CYFIP2: variants seen among roughly 807,000 people sequenced by gnomAD.
CYFIP2 encodes cytoplasmic FMR1 interacting protein 2.
Under a neutral mutation model 158.7 loss-of-function variants are expected in CYFIP2, and 29 were observed. The ratio of observed to expected loss-of-function variants is 0.18; its 90% confidence interval spans 0.14 to 0.25. The LOEUF is 0.25. Among genes scored for constraint, CYFIP2 ranks in the 10% least tolerant of loss-of-function variants. The pLI is 1.00. For missense variants in CYFIP2, 852 were observed against 1,639.5 expected, an observed-to-expected ratio of 0.52 and a Z score of 8.29; for synonymous variants, 585 against 617.6, an observed-to-expected ratio of 0.95 and a Z score of 0.78.
intron 15 of CYFIP2, 116 bp downstream of exon 15, chr5:157,320,918 G>A: frequency 7.8e-7 from 1 of 1,275,386 alleles, no homozygotes; most frequent in Non-Finnish European, 1.0e-6. Context: ...AGGAGGGGCA[G>A]GGTTGAGTGG....
At chr5:157,383,724 AAC>A (rs1766360741) in intron 28 of CYFIP2, 1 of 189,976 alleles carries the variant, frequency 5.3e-6, no homozygotes, top group African/African-American at 2.3e-5. Context: ...TTGCTAAAGA[AAC>A]ACTTAACGGA....
intron 5 of CYFIP2, among the ~76,000 whole-genome samples, chr5:157,297,827 T>TG (rs1163005192): frequency 6.6e-6 from 1 of 152,112 alleles, no homozygotes; most frequent in African/African-American, 2.4e-5. Flanking sequence ...TGAGGTAGGT[T>TG]GAAAAAAAAT....
intron 5 of CYFIP2, among the ~76,000 whole-genome samples, chr5:157,297,382 CTG>C (rs1308030391): frequency 6.6e-6 from 1 of 152,216 alleles, no homozygotes; most frequent in African/African-American, 2.4e-5. Flanking sequence ...CACTCTCTAA[CTG>C]TGTGTTTGTG....
In CYFIP2 at chr5:157,285,370, G is replaced by A. The variant is rs371578292; in HGVS notation, c.9G>A (p.Thr3=). 19 of 1,567,100 alleles carry A rather than the reference G, an allele frequency of 1.2e-5. No homozygotes were observed. The highest frequency in any genetic ancestry group is 4.7e-5 in the South Asian group (4 of 84,832). The change falls in exon 2 of 31, where the codon ACG becomes ACA. Residue 3 remains threonine, a synonymous_variant. Transcript: ENST00000620254. Reference sequence around the variant, plus strand: ...ATACAGAAACTGCAGCCATGACCACGCACGTCACCCTGGAAGATGCCCTGT... The same window carrying A: ...ATACAGAAACTGCAGCCATGACCACACACGTCACCCTGGAAGATGCCCTGT... The part of the protein sequence containing the change: MT[T]HVTLEDALSN...
chr5:157,370,446 C>A (rs1020967902), intron 26 of CYFIP2, among the ~76,000 whole-genome samples: 2 of 152,216 alleles, frequency 1.3e-5, no homozygotes, highest in African/African-American at 4.8e-5. Flanking sequence ...ATAATACATT[C>A]AATCAATCAA....
chr5:157,388,426 CAT>C (rs1396728681), intron 28 of CYFIP2, among the ~76,000 whole-genome samples: 2 of 152,166 alleles, frequency 1.3e-5, no homozygotes, highest in African/African-American at 4.8e-5. Context: ...TTAAAAGTAA[CAT>C]ATGCTCATTG....
chr5:157,275,581 C>T (rs1190090300), intron 1 of CYFIP2, among the ~76,000 whole-genome samples: 1 of 152,184 alleles, frequency 6.6e-6, no homozygotes, highest in African/African-American at 2.4e-5. Context: ...TGTGAGTCTT[C>T]CATTTTTGTT....
In CYFIP2 at chr5:157,361,393, C is replaced by T; in HGVS notation, c.2909-75C>T. On this transcript the variant is annotated intron_variant, in intron 25 of 30. Coordinates refer to ENST00000620254, the MANE Select transcript of CYFIP2 (RefSeq NM_001037333.3). The surrounding 1 kb of genome is among the most constrained non-coding windows in gnomAD (Gnocchi z 4.4). ...ATCCCAGAGTCAGGTCTGGGGCTGC[C>T]ACTCAGTCATTGTTTCCCATAGACC... 1 of 1,598,792 alleles carries T rather than the reference C, an allele frequency of 6.3e-7. No homozygotes were observed. The highest frequency in any genetic ancestry group is 8.5e-7 in the Non-Finnish European group (1 of 1,169,986).
At chr5:157,330,145 T>C (rs2113168540) in intron 19 of CYFIP2, among the ~76,000 whole-genome samples, 1 of 152,272 alleles carries the variant, frequency 6.6e-6, no homozygotes, top group South Asian at 2.1e-4. Flanking sequence ...AATGATCCCA[T>C]TTTCTTATTT....
Position 157,341,124 on chromosome 5 carries a change from C to T in CYFIP2, c.2640C>T (p.Ala880=), listed in dbSNP as rs7705781. The part of the protein sequence containing the change: ...FTQEPQRDKP[A]NVQPYYLYGS... ...AAGAACCACAACGAGACAAACCTGC[C>T]AACGTCCAGCCTTATTACCTCTATG... Residue 880 remains alanine, a synonymous_variant, in exon 23 of 31, where the codon GCC becomes GCT. Transcript: ENST00000620254. 1.1e-3 allele frequency: 1,847 copies of T among 1,613,990 alleles called. 21 individuals are homozygous for T. The African/African-American group carries it at 0.02, about 18-fold the overall frequency.
chr5:157,369,756 C>T (rs925329995), intron 26 of CYFIP2, among the ~76,000 whole-genome samples: 5 of 152,104 alleles, frequency 3.3e-5, no homozygotes, highest in South Asian at 2.1e-4. Context: ...ACCAGGGAGG[C>T]AGTGCAGGTT....
At chr5:157,313,793 G>A (rs1374449405) in intron 11 of CYFIP2, among the ~76,000 whole-genome samples, 3 of 152,164 alleles carry the variant, frequency 2.0e-5, no homozygotes, top group African/African-American at 7.2e-5. Flanking sequence ...TTATATAGAT[G>A]TTTATCCACT....
chr5:157,300,705 C>T lies in CYFIP2; in HGVS notation c.388-10C>T, dbSNP rs574265762. ...ACAGTGGACCTTACTCACTGCCCCT[C>T]TGCCCCCAGCGCAAGGCCATCGAGC... is the stretch of plus-strand genomic sequence containing the variant. On this transcript the variant is annotated splice_polypyrimidine_tract_variant and intron_variant, in intron 5 of 30. Coordinates refer to ENST00000620254, the MANE Select transcript of CYFIP2 (RefSeq NM_001037333.3). 5.7e-5 allele frequency: 89 copies of T among 1,571,660 alleles called. 1 individual carries two copies. In the South Asian group the frequency reaches 9.7e-4, roughly 17 times the overall value.
In CYFIP2 at chr5:157,311,396, A is replaced by G; in HGVS notation, c.993-268A>G. 1 of 489,474 alleles carries G rather than the reference A, an allele frequency of 2.0e-6. No individual in the cohort carries two copies. The highest frequency in any genetic ancestry group is 2.1e-5 in the South Asian group (1 of 46,710). 30.3% of individuals were successfully genotyped at this position (489,474 alleles called of 1,614,324 possible). On this transcript the variant is annotated intron_variant, in intron 10 of 30. Transcript: ENST00000620254. The surrounding 1 kb of genome is among the most constrained non-coding windows in gnomAD (Gnocchi z 4.7). ...TTCCCGCCCCTCTCATATTACTGGT[A>G]AGTATTATGGACCAGGTATCTGGAA...
intron 24 of CYFIP2, 24 bp downstream of exon 24, chr5:157,359,172 T>C: frequency 1.2e-6 from 2 of 1,613,674 alleles, no homozygotes; most frequent in Non-Finnish European, 1.7e-6. Context: ...TCAGTGTGGC[T>C]TGAGATATGC....
At chr5:157,280,391 A>G (rs1425702430) in intron 1 of CYFIP2, among the ~76,000 whole-genome samples, 2 of 114,318 alleles carry the variant, frequency 1.7e-5, no homozygotes, top group African/African-American at 3.7e-5. Context: ...TATTTTTAGT[A>G]GAAATGGGAT....
At chr5:157,316,707 C>A (rs1760175416) in intron 13 of CYFIP2, among the ~76,000 whole-genome samples, 1 of 152,192 alleles carries the variant, frequency 6.6e-6, no homozygotes, top group Non-Finnish European at 1.5e-5. Flanking sequence ...GATTCCTTAT[C>A]TGTAAAATGG....
At chr5:157,343,957 T>C (rs534138654) in intron 23 of CYFIP2, among the ~76,000 whole-genome samples, 3 of 152,296 alleles carry the variant, frequency 2.0e-5, no homozygotes, top group African/African-American at 7.2e-5. Context: ...AGGCAATTGA[T>C]TCACCTCAAT....
At chr5:157,285,768 C>G (rs1467725767) in intron 2 of CYFIP2, among the ~76,000 whole-genome samples, 1 of 152,192 alleles carries the variant, frequency 6.6e-6, no homozygotes, top group Non-Finnish European at 1.5e-5. Flanking sequence ...TTTGGCAGCT[C>G]TGGCCTCATG....
Sources: allele counts gnomAD v4.1 joint callset (sites outside exome capture counted in the v4.1 genomes callset), GRCh38; gene constraint gnomAD v4.1.1; non-coding constraint Gnocchi (gnomAD v3.1); transcripts MANE v1.5; gene names NCBI Gene and HGNC (gene_info 2026-07-23, HGNC 2026-07-21).